NEAT1: variants seen among roughly 807,000 people sequenced by gnomAD.
NEAT1 encodes MENepsilon/beta.
exon 1 of NEAT1, chr11:65,435,195 G>A (rs1191154641): frequency 6.6e-6 from 1 of 152,074 alleles, no homozygotes; most frequent in Non-Finnish European, 1.5e-5. Flanking sequence ...TAATGGATGG[G>A]GCTGTGGAGT....
exon 1 of NEAT1, chr11:65,439,484 G>A (rs1488979262): frequency 6.6e-6 from 1 of 151,996 alleles, no homozygotes; most frequent in South Asian, 2.1e-4. Flanking sequence ...CTAGGAGTTC[G>A]AGGTCAGCCT....
chr11:65,423,730 A>C (rs1160031276), exon 1 of NEAT1: 2 of 152,198 alleles, frequency 1.3e-5, no homozygotes, highest in Admixed American at 1.3e-4. Flanking sequence ...ATTCACTTAA[A>C]ACATTACCTG....
exon 1 of NEAT1, chr11:65,422,816 G>A (rs996505439): frequency 6.5e-6 from 1 of 153,118 alleles, no homozygotes; most frequent in Admixed American, 6.5e-5. Flanking sequence ...CGACAGGGAG[G>A]GATGCGCGCC....
exon 1 of NEAT1, chr11:65,427,783 C>T (rs1006031174): frequency 6.6e-6 from 1 of 152,160 alleles, no homozygotes; most frequent in African/African-American, 2.4e-5. Context: ...CCTTGTTTCT[C>T]GTCCTGTTTT....
exon 1 of NEAT1, chr11:65,434,925 T>A (rs191087247): frequency 6.6e-6 from 1 of 152,356 alleles, no homozygotes; most frequent in East Asian, 1.9e-4. Context: ...TGTGTGTGAA[T>A]TTAGCATTCA....
chr11:65,437,006 C>T (rs1169108513), exon 1 of NEAT1: 1 of 151,770 alleles, frequency 6.6e-6, no homozygotes, highest in Non-Finnish European at 1.5e-5. Context: ...GGTTATTTGT[C>T]AATGTGAGAA....
At chr11:65,423,420 G>T (rs987383965) in exon 1 of NEAT1, 5 of 152,028 alleles carry the variant, frequency 3.3e-5, no homozygotes, top group African/African-American at 1.2e-4. Context: ...CGGGGCCCAG[G>T]CCGGGCCCAG....
chr11:65,440,274 C>G (rs1336339499), exon 1 of NEAT1: 1 of 151,262 alleles, frequency 6.6e-6, no homozygotes. Context: ...CTGAACCAAG[C>G]TATTCCTAGG....
At chr11:65,440,999 A>G (rs1294866167) in exon 1 of NEAT1, 1 of 151,914 alleles carries the variant, frequency 6.6e-6, no homozygotes, top group African/African-American at 2.4e-5. Flanking sequence ...TTTGAGCCCA[A>G]AAACTTGGTT....
At chr11:65,423,109 C>A (rs2134882385) in exon 1 of NEAT1, 2 of 152,554 alleles carry the variant, frequency 1.3e-5, no homozygotes, top group South Asian at 2.0e-4. Flanking sequence ...GCTGAGCGAG[C>A]CCGGGTGCGC....
exon 1 of NEAT1, chr11:65,427,731 A>G (rs2134892122): frequency 1.3e-5 from 2 of 151,642 alleles, no homozygotes; most frequent in African/African-American, 4.8e-5. Context: ...TTTGCTTTTT[A>G]CCCCAGCACC....
chr11:65,433,836 C>T (rs1210221909), exon 1 of NEAT1: 3 of 151,748 alleles, frequency 2.0e-5, no homozygotes, highest in African/African-American at 4.8e-5. Flanking sequence ...ACTACACCTT[C>T]CACTTATGTG....
chr11:65,433,757 A>G (rs1171161003), exon 1 of NEAT1: 1 of 150,906 alleles, frequency 6.6e-6, no homozygotes, highest in Non-Finnish European at 1.5e-5. Flanking sequence ...TTTAATTTCA[A>G]TGGCTTTTGG....
chr11:65,432,085 G>T (rs952117512), exon 1 of NEAT1: 1 of 152,140 alleles, frequency 6.6e-6, no homozygotes, highest in Non-Finnish European at 1.5e-5. Flanking sequence ...CAGTTGATGG[G>T]CATGTAGGTT....
At chr11:65,439,216 T>G (rs1856692519) in exon 1 of NEAT1, 1 of 152,228 alleles carries the variant, frequency 6.6e-6, no homozygotes, top group South Asian at 2.1e-4. Context: ...CTTGGCCCAC[T>G]TTTTAATTAG....
rs147647995 is a variant in NEAT1, at chr11:65,429,738, C to G, written n.6941C>G. The G allele has an allele frequency of 5.3e-3, 575 of 108,012 alleles. 2 individuals are homozygous for G. The highest frequency in any genetic ancestry group is 0.019 in the African/African-American group (532 of 28,352). The allele number at this position is 108,012 out of a possible 1,614,324, so 6.7% of individuals were successfully genotyped here. ...TGAACTTGTTATGTGTAGATCTTTTCCACCCCAAGAGTACATAAATATTAA... is the reference window on the plus strand; with the variant it reads ...TGAACTTGTTATGTGTAGATCTTTTGCACCCCAAGAGTACATAAATATTAA... On this transcript the variant is annotated non_coding_transcript_exon_variant, in exon 1 of 1. Coordinates refer to ENST00000501122, the Ensembl canonical transcript of NEAT1.
chr11:65,431,691 T>G (rs540430773), exon 1 of NEAT1: 1 of 152,358 alleles, frequency 6.6e-6, no homozygotes, highest in Admixed American at 6.5e-5. Context: ...ATATGCTTAC[T>G]GGTCATTTGT....
chr11:65,437,200 TATATATATATGTATATATATATATATAC>T (rs1344190929), exon 1 of NEAT1: 3 of 140,112 alleles, frequency 2.1e-5, no homozygotes, highest in African/African-American at 5.8e-5. Context: ...TATATGTATA[TATATATATATGTATATATATATATATAC>T]ATATATATAT....
exon 1 of NEAT1, chr11:65,428,526 G>A (rs560144552): frequency 5.9e-5 from 9 of 152,186 alleles, no homozygotes; most frequent in Admixed American, 5.2e-4. Context: ...GTGCAGTGCG[G>A]GCATGAAATG....
Sources: allele counts gnomAD v4.1 joint callset, GRCh38; gene constraint gnomAD v4.1.1; transcripts MANE v1.5; gene names NCBI Gene and HGNC (gene_info 2026-07-23, HGNC 2026-07-21).